PCDH9: variants seen among roughly 807,000 people sequenced by gnomAD.
PCDH9 encodes the protein protocadherin 9.
A neutral mutation model predicts 70.6 loss-of-function variants in PCDH9; 24 were observed. The ratio of observed to expected loss-of-function variants is 0.34; its 90% confidence interval spans 0.25 to 0.48. The LOEUF (loss-of-function observed/expected upper bound fraction) is 0.48, where lower values mean the gene tolerates loss of function less well. PCDH9 is among the 20% of genes least tolerant of loss of function. The probability of loss-of-function intolerance (pLI) is 0.99; values close to 1 mark genes in which losing one functional copy is unlikely to be tolerated. For synonymous variants in PCDH9, 562 were observed against 558.5 expected (o/e 1.01, Z -0.09); for missense variants, 1,281 against 1,503.6 (o/e 0.85, Z 2.45).
chr13:67,002,493 C>A (rs369208056), intron 2 of PCDH9, among the ~76,000 whole-genome samples: 4 of 138,486 alleles, frequency 2.9e-5, no homozygotes, highest in East Asian at 4.7e-4. Context: ...AGTCACTATT[C>A]TGTTTTAAAA....
chr13:66,581,170 C>T (rs2076886728), intron 4 of PCDH9, among the ~76,000 whole-genome samples: 1 of 152,102 alleles, frequency 6.6e-6, no homozygotes, highest in Non-Finnish European at 1.5e-5. Flanking sequence ...TTTTTGAATT[C>T]CAGACAACAA....
At chr13:66,415,581 T>C (rs1957446995) in intron 4 of PCDH9, among the ~76,000 whole-genome samples, 1 of 152,146 alleles carries the variant, frequency 6.6e-6, no homozygotes, top group Non-Finnish European at 1.5e-5. Flanking sequence ...TGCTAAAGAG[T>C]GTCGTCTTAC....
intron 4 of PCDH9, among the ~76,000 whole-genome samples, chr13:66,515,643 T>C (rs753143349): frequency 6.6e-6 from 1 of 151,938 alleles, no homozygotes; most frequent in African/African-American, 2.4e-5. Flanking sequence ...AGTATGCACA[T>C]AGATATTTCA....
At chr13:67,107,325 G>A (rs2086567524) in intron 2 of PCDH9, among the ~76,000 whole-genome samples, 2 of 152,082 alleles carry the variant, frequency 1.3e-5, no homozygotes. Context: ...CCCCAAATGA[G>A]ATCTTATGGT....
chr13:67,177,450 G>A (rs959548539), intron 2 of PCDH9, among the ~76,000 whole-genome samples: 4 of 152,006 alleles, frequency 2.6e-5, no homozygotes, highest in African/African-American at 9.7e-5. Context: ...TTACCAAATC[G>A]AGTTAATTTA....
intron 4 of PCDH9, among the ~76,000 whole-genome samples, chr13:66,324,698 A>G (rs917993387): frequency 6.6e-6 from 1 of 152,084 alleles, no homozygotes; most frequent in African/African-American, 2.4e-5. Context: ...GCTAATTGCA[A>G]GGGGAAGTGT....
chr13:66,651,307 T>G (rs1377673736), intron 3 of PCDH9, among the ~76,000 whole-genome samples: 1 of 151,528 alleles, frequency 6.6e-6, no homozygotes, highest in African/African-American at 2.4e-5. Context: ...ATAAATAAAT[T>G]AGAGATGAAA....
intron 4 of PCDH9, among the ~76,000 whole-genome samples, chr13:66,370,448 G>A (rs1313344393): frequency 6.7e-6 from 1 of 150,332 alleles, no homozygotes; most frequent in African/African-American, 2.4e-5. Flanking sequence ...TTGGACTTCT[G>A]TTGCCATAAT....
chr13:66,575,379 T>C (rs1482922484), intron 4 of PCDH9, among the ~76,000 whole-genome samples: 1 of 152,100 alleles, frequency 6.6e-6, no homozygotes, highest in Non-Finnish European at 1.5e-5. Context: ...GTCAGAAATC[T>C]GGATGTCTTT....
chr13:67,078,477 C>A (rs1296042170), intron 2 of PCDH9, among the ~76,000 whole-genome samples: 1 of 152,106 alleles, frequency 6.6e-6, no homozygotes, highest in African/African-American at 2.4e-5. Flanking sequence ...TTCAAACTGA[C>A]ACACAGTTCC....
intron 4 of PCDH9, among the ~76,000 whole-genome samples, chr13:66,445,613 A>ATATATACACATATATAT (rs1294374992): frequency 7.0e-6 from 1 of 143,564 alleles, no homozygotes; most frequent in African/African-American, 2.6e-5. Context: ...CATATATATT[A>ATATATACACATATATAT]TATATACACA....
intron 3 of PCDH9, among the ~76,000 whole-genome samples, chr13:66,892,963 C>A (rs2082119842): frequency 1.3e-5 from 2 of 152,138 alleles, no homozygotes; most frequent in South Asian, 2.1e-4. Flanking sequence ...TTTTAAGAAT[C>A]TTGATTATAA....
intron 4 of PCDH9, among the ~76,000 whole-genome samples, chr13:66,582,406 G>A (rs2076904628): frequency 6.6e-6 from 1 of 152,154 alleles, no homozygotes; most frequent in African/African-American, 2.4e-5. Flanking sequence ...GTCAAGGCAG[G>A]AGGACCAATT....
intron 2 of PCDH9, among the ~76,000 whole-genome samples, chr13:67,041,474 A>T (rs911378548): frequency 6.6e-6 from 1 of 152,126 alleles, no homozygotes; most frequent in Non-Finnish European, 1.5e-5. Flanking sequence ...AGCTGTAAAA[A>T]TTTTACTAAC....
intron 3 of PCDH9, among the ~76,000 whole-genome samples, chr13:66,675,325 T>C (rs114715075): frequency 0.016 from 2,390 of 152,228 alleles, 71 homozygotes; most frequent in African/African-American, 0.055. Context: ...ATCGTAAATA[T>C]CACTGTCACG....
rs2083438122 is a variant in PCDH9 at position 66,966,611 on chromosome 13, CTTCAA to C, written c.3037-63011_3037-63007del. Among the ~76,000 whole-genome samples, 4 of 152,072 alleles carry C rather than the reference CTTCAA, an allele frequency of 2.6e-5. No individual in the cohort carries two copies. The South Asian group carries it at 8.3e-4, about 31-fold the overall frequency. On this transcript the variant is annotated intron_variant, in intron 2 of 4. Transcript: ENST00000377865. ...AAGCAGTAGAGAGGTTTAATCATTT[CTTCAA>C]TTCATGTTTGCTACAAATTTCTATA... is the stretch of plus-strand genomic sequence containing the variant.
chr13:66,843,995 C>T (rs574165839), intron 3 of PCDH9, among the ~76,000 whole-genome samples: 6 of 152,164 alleles, frequency 3.9e-5, no homozygotes, highest in African/African-American at 1.2e-4. Context: ...TGTAGCAATA[C>T]TTCACTTTCT....
intron 3 of PCDH9, among the ~76,000 whole-genome samples, chr13:66,860,620 CAAGAA>C (rs1370651778): frequency 6.6e-6 from 1 of 152,180 alleles, no homozygotes; most frequent in African/African-American, 2.4e-5. Context: ...TATCAGCATG[CAAGAA>C]GTGCTCTGGC....
intron 2 of PCDH9, chr13:67,219,094 A>T (rs1359084055): frequency 6.6e-6 from 1 of 152,070 alleles, no homozygotes; most frequent in Non-Finnish European, 1.5e-5. Flanking sequence ...TCAGAGACAA[A>T]CTGTCTATAG....
Sources: gnomAD v4.1 joint callset for allele counts (sites outside exome capture counted in the v4.1 genomes callset) on GRCh38, gnomAD v4.1.1 for gene constraint, MANE v1.5 for transcripts, NCBI Gene and HGNC (gene_info 2026-07-23, HGNC 2026-07-21) for gene names.